Variants in ARHGAP26 observed in about 807,000 individuals in gnomAD.
The protein encoded by ARHGAP26 is Rho GTPase activating protein 26, also known as rho GTPase-activating protein 26.
Under a neutral mutation model 104.8 loss-of-function variants are expected in ARHGAP26, and 38 were observed. The observed-to-expected ratio is 0.36, with a 90% CI of 0.28 to 0.48. The LOEUF (loss-of-function observed/expected upper bound fraction) is 0.48, where lower values mean the gene tolerates loss of function less well. ARHGAP26 is among the 20% of genes least tolerant of loss of function. The probability of loss-of-function intolerance (pLI) is 0.99; values close to 1 mark genes in which losing one functional copy is unlikely to be tolerated. For synonymous variants in ARHGAP26, 341 were observed against 340.0 expected (o/e 1.00, Z -0.03); for missense variants, 704 against 947.9 (o/e 0.74, Z 3.38).
Position 143,167,364 on chromosome 5 carries a change from C to G in ARHGAP26, c.1988+19983C>G, listed in dbSNP as rs904306403. 8.7e-5 allele frequency among the ~76,000 whole-genome samples: 13 copies of G among 148,768 alleles called. No individual in the cohort carries two copies. The East Asian group carries it at 2.5e-3, about 29-fold the overall frequency. Reference sequence around the variant, plus strand: ...GGGCCTGATGGCATGCGCCTGTAATCCCAGCTACTCGGGAGGCTGAGACAT... The same window carrying G: ...GGGCCTGATGGCATGCGCCTGTAATGCCAGCTACTCGGGAGGCTGAGACAT... On this transcript the variant is annotated intron_variant, in intron 20 of 22. Coordinates refer to ENST00000645722, the MANE Select transcript of ARHGAP26 (RefSeq NM_001135608.3).
At chr5:143,177,908 A>G (rs919028181) in intron 20 of ARHGAP26, among the ~76,000 whole-genome samples, 3 of 150,750 alleles carry the variant, frequency 2.0e-5, no homozygotes, top group Non-Finnish European at 2.9e-5. Context: ...CAGGGCAACT[A>G]CTATCTCCTA....
At chr5:142,855,724 T>C (rs1752249426) in intron 1 of ARHGAP26, among the ~76,000 whole-genome samples, 3 of 152,150 alleles carry the variant, frequency 2.0e-5, no homozygotes, top group Non-Finnish European at 2.9e-5. Flanking sequence ...GAGTAGGAAA[T>C]AATTTAGCTG....
intron 10 of ARHGAP26, among the ~76,000 whole-genome samples, chr5:142,926,087 C>T (rs774633627): frequency 9.9e-5 from 15 of 152,158 alleles, no homozygotes; most frequent in Non-Finnish European, 1.3e-4. Context: ...GGTTGTGATT[C>T]TGTTTGCTCT....
chr5:143,199,319 C>T (rs576109954), intron 20 of ARHGAP26, among the ~76,000 whole-genome samples: 18 of 152,122 alleles, frequency 1.2e-4, no homozygotes, highest in Admixed American at 1.3e-4. Flanking sequence ...CTTGAGTGGA[C>T]ACACATAAGG....
At chr5:142,785,414 C>CCTGA (rs1758377871) in intron 1 of ARHGAP26, among the ~76,000 whole-genome samples, 1 of 152,220 alleles carries the variant, frequency 6.6e-6, no homozygotes, top group Non-Finnish European at 1.5e-5. Flanking sequence ...ACTAGTGCAA[C>CCTGA]CTGACTAATG....
At chr5:143,106,902 C>T (rs1264032994) in intron 17 of ARHGAP26, among the ~76,000 whole-genome samples, 1 of 152,146 alleles carries the variant, frequency 6.6e-6, no homozygotes, top group Non-Finnish European at 1.5e-5. Flanking sequence ...TTCTGGACTG[C>T]ACTGTTTGAT....
chr5:143,019,384 A>T (rs1780014787), intron 12 of ARHGAP26, among the ~76,000 whole-genome samples: 1 of 151,786 alleles, frequency 6.6e-6, no homozygotes, highest in Non-Finnish European at 1.5e-5. Context: ...GGCAAGAACC[A>T]TTTCTCCCAT....
intron 13 of ARHGAP26, among the ~76,000 whole-genome samples, chr5:143,038,680 C>T (rs1324407260): frequency 3.9e-5 from 5 of 128,624 alleles, no homozygotes; most frequent in Middle Eastern, 3.9e-3. Context: ...TTTTGACATA[C>T]GGCCTTTTTT....
intron 12 of ARHGAP26, among the ~76,000 whole-genome samples, chr5:143,022,111 AC>A (rs1780421083): frequency 6.6e-6 from 1 of 151,980 alleles, no homozygotes; most frequent in African/African-American, 2.4e-5. Flanking sequence ...GACCCCTGTC[AC>A]CCAGGCTGGA....
At chr5:143,180,052 AAGGAGCCTCCTTTG>A (rs1470505694) in intron 20 of ARHGAP26, among the ~76,000 whole-genome samples, 4 of 152,156 alleles carry the variant, frequency 2.6e-5, no homozygotes, top group Non-Finnish European at 5.9e-5. Context: ...CTCTGTCTCA[AAGGAGCCTCCTTTG>A]AAGGCTCCTT....
chr5:143,004,378 A>G (rs1273483000), intron 11 of ARHGAP26, among the ~76,000 whole-genome samples: 1 of 152,190 alleles, frequency 6.6e-6, no homozygotes, highest in African/African-American at 2.4e-5. Flanking sequence ...ACTTGACTCA[A>G]CTTCATCCAA....
At chr5:142,914,490 A>C (rs1175434691) in intron 10 of ARHGAP26, among the ~76,000 whole-genome samples, 1 of 152,238 alleles carries the variant, frequency 6.6e-6, no homozygotes, top group African/African-American at 2.4e-5. Flanking sequence ...GATGGTTATA[A>C]GGATTCAAGG....
At chr5:142,983,923 GT>G (rs1774312275) in intron 11 of ARHGAP26, among the ~76,000 whole-genome samples, 1 of 152,120 alleles carries the variant, frequency 6.6e-6, no homozygotes, top group African/African-American at 2.4e-5. Flanking sequence ...TTAGCAGTGA[GT>G]TTTGCTGCAA....
chr5:142,864,903 T>A (rs904917363), intron 1 of ARHGAP26, among the ~76,000 whole-genome samples: 12 of 152,258 alleles, frequency 7.9e-5, no homozygotes, highest in Non-Finnish European at 1.5e-4. Context: ...CCAATGCGCG[T>A]CATACGCCTC....
At chr5:143,077,096 G>T (rs1789148449) in intron 17 of ARHGAP26, among the ~76,000 whole-genome samples, 1 of 152,192 alleles carries the variant, frequency 6.6e-6, no homozygotes, top group South Asian at 2.1e-4. Flanking sequence ...TTTCATTTTG[G>T]ATCGATGGCT....
In ARHGAP26 at chr5:143,031,140, G is replaced by A. The variant is rs1485032696; in HGVS notation, c.1145-6056G>A. ...CATGGTTAGTTGAATGTTCTTGAAA[G>A]ACAGCCAGTGTGGCTAGGTGCTCAG... On this transcript the variant is annotated intron_variant, in intron 12 of 22. Transcript: ENST00000645722. Among the ~76,000 whole-genome samples, 4 of 152,258 alleles carry A rather than the reference G, an allele frequency of 2.6e-5. No individual in the cohort carries two copies. The South Asian group carries it at 8.3e-4, about 32-fold the overall frequency.
At chr5:142,966,692 A>G (rs902674799) in intron 11 of ARHGAP26, among the ~76,000 whole-genome samples, 1 of 152,250 alleles carries the variant, frequency 6.6e-6, no homozygotes, top group African/African-American at 2.4e-5. Flanking sequence ...AAGATTCTAT[A>G]CAGGAAAATC....
At chr5:143,074,926 G>T (rs960197694) in intron 17 of ARHGAP26, among the ~76,000 whole-genome samples, 1 of 152,188 alleles carries the variant, frequency 6.6e-6, no homozygotes, top group Admixed American at 6.5e-5. Flanking sequence ...GGGTAGCATG[G>T]GCCTGTCCAC....
chr5:142,771,527 A>G (rs1163512102), intron 1 of ARHGAP26, among the ~76,000 whole-genome samples: 5 of 152,082 alleles, frequency 3.3e-5, no homozygotes, highest in Non-Finnish European at 7.4e-5. Context: ...GCAGGTTCTG[A>G]TTCTTGTGTT....
Sources: gnomAD v4.1 joint callset for allele counts (sites outside exome capture counted in the v4.1 genomes callset) on GRCh38, gnomAD v4.1.1 for gene constraint, MANE v1.5 for transcripts, NCBI Gene and HGNC (gene_info 2026-07-23, HGNC 2026-07-21) for gene names.